The following FAM222B variants were observed in gnomAD, a reference collection of about 807,000 sequenced individuals.
The protein encoded by FAM222B is family with sequence similarity 222 member B.
A neutral mutation model predicts 38.0 loss-of-function variants in FAM222B; 12 were observed. That is an observed-to-expected ratio of 0.32 (90% confidence interval 0.20 to 0.51). FAM222B has a LOEUF of 0.51. FAM222B is among the 20% of genes least tolerant of loss of function. The pLI is 0.97. For synonymous variants in FAM222B, 329 were observed against 317.2 expected (o/e 1.04, Z -0.40); for missense variants, 716 against 754.2 (o/e 0.95, Z 0.59).
chr17:28,770,726 A>G (rs944244895), intron 1 of FAM222B, among the ~76,000 whole-genome samples: 2 of 151,928 alleles, frequency 1.3e-5, no homozygotes, highest in Non-Finnish European at 2.9e-5. Context: ...GCCCGCCATC[A>G]TGCCCGGCTA....
chr17:28,761,421 C>G (rs2035066063), intron 2 of FAM222B, among the ~76,000 whole-genome samples: 1 of 152,202 alleles, frequency 6.6e-6, no homozygotes, highest in African/African-American at 2.4e-5. Context: ...AGCTAGCCGA[C>G]TCTCTCCTTA....
At chr17:28,778,710 TA>T in intron 1 of FAM222B, among the ~76,000 whole-genome samples, 9 of 85,436 alleles carry the variant, frequency 1.1e-4, no homozygotes, top group Non-Finnish European at 2.1e-4. Flanking sequence ...TATATATATA[TA>T]TATATATATT....
chr17:28,760,812 G>C (rs1325202095), intron 2 of FAM222B, among the ~76,000 whole-genome samples: 1 of 152,172 alleles, frequency 6.6e-6, no homozygotes, highest in African/African-American at 2.4e-5. Flanking sequence ...CTGAACAGTA[G>C]ACAGAATGCT....
chr17:28,775,356 T>G (rs1452528135), intron 1 of FAM222B, among the ~76,000 whole-genome samples: 1 of 151,514 alleles, frequency 6.6e-6, no homozygotes, highest in Non-Finnish European at 1.5e-5. Flanking sequence ...GAATGGGGGA[T>G]AAAGTGATCT....
intron 1 of FAM222B, among the ~76,000 whole-genome samples, chr17:28,821,976 A>G (rs1838689635): frequency 6.6e-6 from 1 of 152,124 alleles, no homozygotes. Context: ...AAATAAATAA[A>G]CAAATAAAAT....
intron 1 of FAM222B, among the ~76,000 whole-genome samples, chr17:28,850,991 C>T (rs569006359): frequency 2.0e-5 from 3 of 150,728 alleles, no homozygotes; most frequent in South Asian, 2.1e-4. Flanking sequence ...TGGTGGGGTG[C>T]GCCTGTAATC....
At chr17:28,795,258 C>T (rs1021215617) in intron 1 of FAM222B, among the ~76,000 whole-genome samples, 7 of 152,208 alleles carry the variant, frequency 4.6e-5, no homozygotes, top group African/African-American at 1.7e-4. Context: ...GATTCTCCCA[C>T]CTCAGCCTGC....
At chr17:28,777,683 A>C (rs1386201635) in intron 1 of FAM222B, among the ~76,000 whole-genome samples, 1 of 152,144 alleles carries the variant, frequency 6.6e-6, no homozygotes. Flanking sequence ...TTTGTGGTAC[A>C]TGGATAATAC....
rs536282714 is a variant in FAM222B, at chr17:28,804,477, G to A, written c.-40-37770C>T. Among the ~76,000 whole-genome samples the A allele has an allele frequency of 1.6e-4, 24 of 152,140 alleles. 2 individuals carry two copies. In the South Asian group the frequency reaches 4.8e-3, roughly 30 times the overall value. ...AGCCTCCCGAGTAGCTGGGACTACAGGCACGCGCCACCACGCCCAGCTAAC... is the reference window on the plus strand; with the variant it reads ...AGCCTCCCGAGTAGCTGGGACTACAAGCACGCGCCACCACGCCCAGCTAAC... On this transcript the variant is annotated intron_variant, in intron 1 of 2. Transcript: ENST00000581407.
At chr17:28,835,173 T>C (rs894281528) in intron 1 of FAM222B, among the ~76,000 whole-genome samples, 1 of 151,772 alleles carries the variant, frequency 6.6e-6, no homozygotes, top group Admixed American at 6.6e-5. Flanking sequence ...GCCTCCTGAG[T>C]AGCTGGGATT....
At chr17:28,771,740 G>C (rs912022237) in intron 1 of FAM222B, among the ~76,000 whole-genome samples, 1 of 151,476 alleles carries the variant, frequency 6.6e-6, no homozygotes, top group African/African-American at 2.4e-5. Flanking sequence ...TTTATACTTT[G>C]GCATGTATAT....
chr17:28,778,712 TA>T (rs2036019167), intron 1 of FAM222B, among the ~76,000 whole-genome samples: 133 of 87,264 alleles, frequency 1.5e-3, no homozygotes, highest in Middle Eastern at 5.2e-3. Context: ...TATATATATA[TA>T]TATATATTTT....
chr17:28,778,130 G>A (rs1234565657), intron 1 of FAM222B, among the ~76,000 whole-genome samples: 5 of 151,158 alleles, frequency 3.3e-5, no homozygotes, highest in Non-Finnish European at 5.9e-5. Flanking sequence ...TGTGCAGAAC[G>A]TGCAGGTTTG....
At chr17:28,812,537 G>C (rs1317892534) in intron 1 of FAM222B, 2 of 152,364 alleles carry the variant, frequency 1.3e-5, no homozygotes, top group African/African-American at 4.8e-5. Flanking sequence ...TGGCGAGCCA[G>C]GGAGCCAGCA....
In FAM222B at chr17:28,758,610, A is replaced by T. The variant is rs545461060; in HGVS notation, c.1349T>A (p.Phe450Tyr). The stretch of plus-strand genomic sequence containing the variant: ...CAGAATGTTGTTCCACAGGGGTTGG[A>T]AGTAGTGACCATTGGGGTAGGCCAA... ...APLAYPNGHYFQPLWNNILPT... is the reference protein window; with the variant it reads ...APLAYPNGHYYQPLWNNILPT... Residue 450 changes from phenylalanine to tyrosine, a missense_variant, in exon 3 of 3, where the codon TTC becomes TAC. Coordinates refer to ENST00000581407, the MANE Select transcript of FAM222B (RefSeq NM_001077498.3). The T allele has an allele frequency of 2.5e-6, 4 of 1,611,330 alleles. No individual in the cohort carries two copies. In the East Asian group the frequency reaches 8.9e-5, roughly 36 times the overall value.
At chr17:28,852,881 A>G (rs1327660865) in intron 1 of FAM222B, among the ~76,000 whole-genome samples, 4 of 151,998 alleles carry the variant, frequency 2.6e-5, no homozygotes, top group African/African-American at 7.3e-5. Flanking sequence ...ACATAGTGAG[A>G]CTCTGTCTCT....
chr17:28,758,085 G>A lies in FAM222B; in HGVS notation c.*185C>T, dbSNP rs1389735967. 5.5e-6 allele frequency: 3 copies of A among 545,776 alleles called. No individual in the cohort carries two copies. In the African/African-American group the frequency reaches 5.7e-5, roughly 10 times the overall value. The allele number at this position is 545,776 out of a possible 1,614,324, so 33.8% of individuals were successfully genotyped here. A position where few individuals can be genotyped will look rare whatever the true frequency, so the allele number is the denominator to read the frequency against. ...GTTAGGTTCTAACATAAAACCAAAA[G>A]TTGCTGGAGGGGAGGACGAGAGGAC... On this transcript the variant is annotated 3_prime_UTR_variant, in exon 3 of 3. Transcript: ENST00000581407.
chr17:28,853,897 C>T (rs998793277), intron 1 of FAM222B, among the ~76,000 whole-genome samples: 5 of 151,610 alleles, frequency 3.3e-5, no homozygotes, highest in Non-Finnish European at 7.4e-5. Flanking sequence ...ACTCTAAGAA[C>T]CTTCCTTCCT....
intron 2 of FAM222B, among the ~76,000 whole-genome samples, chr17:28,765,342 A>G (rs941278208): frequency 1.3e-5 from 2 of 152,128 alleles, no homozygotes; most frequent in African/African-American, 4.8e-5. Flanking sequence ...GAACACAGAC[A>G]CCCTCATTTG....
Sources: allele counts gnomAD v4.1 joint callset (sites outside exome capture counted in the v4.1 genomes callset), GRCh38; gene constraint gnomAD v4.1.1; transcripts MANE v1.5; gene names NCBI Gene and HGNC (gene_info 2026-07-23, HGNC 2026-07-21).